The following EXOC6B variants were observed in gnomAD, a reference collection of about 807,000 sequenced individuals.
The protein encoded by EXOC6B is SEC15 homolog B.
In EXOC6B, 54 loss-of-function variants were observed where a neutral mutation model predicts 113.5. The observed-to-expected ratio is 0.48, with a 90% CI of 0.38 to 0.60. The LOEUF (loss-of-function observed/expected upper bound fraction) is 0.60, where lower values mean the gene tolerates loss of function less well. EXOC6B is among the 20% of genes least tolerant of loss of function. The pLI is 0.00. For synonymous variants in EXOC6B, 357 were observed against 339.0 expected, an observed-to-expected ratio of 1.05 and a Z score of -0.58; for missense variants, 797 against 977.5, an observed-to-expected ratio of 0.82 and a Z score of 2.46.
At chr2:72,344,544 G>A (rs1463696862) in intron 19 of EXOC6B, among the ~76,000 whole-genome samples, 1 of 151,788 alleles carries the variant, frequency 6.6e-6, no homozygotes, top group Non-Finnish European at 1.5e-5. Context: ...ATCTAATAAT[G>A]TGGCAACTTT....
chr2:72,699,434 C>T (rs187088316), intron 6 of EXOC6B, among the ~76,000 whole-genome samples: 1,903 of 150,444 alleles, frequency 0.013, 20 homozygotes, highest in Non-Finnish European at 0.017. Flanking sequence ...GCCAAGATCG[C>T]GCCACTGCAT....
chr2:72,357,074 G>T (rs114482716), intron 19 of EXOC6B, among the ~76,000 whole-genome samples: 3 of 152,126 alleles, frequency 2.0e-5, no homozygotes, highest in African/African-American at 7.2e-5. Context: ...TGTGTGAATT[G>T]TTGACTTCTG....
At chr2:72,820,422 A>G (rs1447045986) in intron 1 of EXOC6B, among the ~76,000 whole-genome samples, 1 of 152,188 alleles carries the variant, frequency 6.6e-6, no homozygotes, top group Admixed American at 6.5e-5. Flanking sequence ...TATGTTACAT[A>G]AGACTGAGTA....
At chr2:72,517,768 C>T (rs1394870294) in intron 8 of EXOC6B, among the ~76,000 whole-genome samples, 4 of 152,026 alleles carry the variant, frequency 2.6e-5, no homozygotes, top group African/African-American at 9.7e-5. Context: ...AGAAAGCATT[C>T]CTCTAATTAT....
chr2:72,538,716 C>T (rs917945791), intron 8 of EXOC6B, among the ~76,000 whole-genome samples: 5 of 152,044 alleles, frequency 3.3e-5, no homozygotes, highest in South Asian at 2.1e-4. Flanking sequence ...ACTAGAAGTA[C>T]GCAATAAATA....
At chr2:72,823,682 G>C (rs1389267086) in intron 1 of EXOC6B, among the ~76,000 whole-genome samples, 1 of 151,862 alleles carries the variant, frequency 6.6e-6, no homozygotes, top group Non-Finnish European at 1.5e-5. Context: ...CTACTCAGGA[G>C]GCTGAGGTGG....
chr2:72,637,650 C>T (rs1328079027), intron 6 of EXOC6B, among the ~76,000 whole-genome samples: 2 of 152,008 alleles, frequency 1.3e-5, no homozygotes, highest in Non-Finnish European at 2.9e-5. Context: ...ATTAGCCAGG[C>T]ATGGTGGCAC....
chr2:72,313,246 AG>A (rs1225955995), intron 20 of EXOC6B, among the ~76,000 whole-genome samples: 3 of 152,196 alleles, frequency 2.0e-5, no homozygotes, highest in African/African-American at 7.2e-5. Context: ...AGAAAGGATC[AG>A]GAAAAATAAC....
At chr2:72,523,083 C>A (rs1701577010) in intron 8 of EXOC6B, among the ~76,000 whole-genome samples, 1 of 152,302 alleles carries the variant, frequency 6.6e-6, no homozygotes, top group South Asian at 2.1e-4. Context: ...ACACAGGCCA[C>A]TCAATATGGG....
intron 6 of EXOC6B, among the ~76,000 whole-genome samples, chr2:72,682,818 C>G (rs1676807643): frequency 6.6e-6 from 1 of 152,154 alleles, no homozygotes; most frequent in Non-Finnish European, 1.5e-5. Context: ...ATCTTATATA[C>G]TAGACCTCCA....
chr2:72,660,761 GGTA>G (rs1303536923), intron 6 of EXOC6B, among the ~76,000 whole-genome samples: 2 of 151,792 alleles, frequency 1.3e-5, no homozygotes, highest in African/African-American at 4.8e-5. Context: ...AATCATAGTA[GGTA>G]GATTGAGGAA....
chr2:72,512,391 G>C (rs867641819), intron 11 of EXOC6B, among the ~76,000 whole-genome samples: 1 of 106,188 alleles, frequency 9.4e-6, no homozygotes, highest in Non-Finnish European at 1.9e-5. Context: ...AAGGAAGGAA[G>C]GAAGGAAGGA....
intron 18 of EXOC6B, among the ~76,000 whole-genome samples, chr2:72,448,711 T>A (rs1307166349): frequency 6.6e-6 from 1 of 152,098 alleles, no homozygotes; most frequent in Non-Finnish European, 1.5e-5. Flanking sequence ...GTTTGGAGCA[T>A]CTGGTTAAAT....
At chr2:72,782,676 T>C (rs1043065876) in intron 1 of EXOC6B, among the ~76,000 whole-genome samples, 42 of 151,986 alleles carry the variant, frequency 2.8e-4, no homozygotes, top group African/African-American at 9.9e-4. Flanking sequence ...TTTTATTCCC[T>C]CCCACACACC....
rs201912352 is a variant in EXOC6B, at chr2:72,617,517, CTTTTTTTTTTTTTTTTTT to C, written c.670-41867_670-41850del. ...GGTCCCCAAAGCTCAAATCTTTTTT[CTTTTTTTTTTTTTTTTTT>C]TTTTGAGGCAGGAGTCTTGCTCTGT... On this transcript the variant is annotated intron_variant, in intron 6 of 21. Transcript: ENST00000272427. Among the ~76,000 whole-genome samples the C allele has an allele frequency of 6.9e-3, 667 of 96,972 alleles. 26 individuals are homozygous for C. In the East Asian group the frequency reaches 0.15, roughly 21 times the overall value. The allele number at this position is 96,972 out of a possible 152,430, so 63.6% of individuals were successfully genotyped here.
At chr2:72,457,116 A>C (rs560408993) in intron 18 of EXOC6B, among the ~76,000 whole-genome samples, 6 of 152,160 alleles carry the variant, frequency 3.9e-5, no homozygotes, top group Non-Finnish European at 8.8e-5. Flanking sequence ...ACAGAGACAG[A>C]GACAGAAAAA....
intron 20 of EXOC6B, among the ~76,000 whole-genome samples, chr2:72,263,686 G>A (rs1323660300): frequency 6.6e-6 from 1 of 152,198 alleles, no homozygotes; most frequent in African/African-American, 2.4e-5. Context: ...ATTGTTTACT[G>A]CATGGTAAAT....
At chr2:72,275,829 T>C (rs2104647949) in intron 20 of EXOC6B, among the ~76,000 whole-genome samples, 2 of 152,330 alleles carry the variant, frequency 1.3e-5, no homozygotes, top group South Asian at 4.1e-4. Flanking sequence ...CATGCTTGTT[T>C]CAACTCCAAA....
intron 6 of EXOC6B, among the ~76,000 whole-genome samples, chr2:72,599,203 C>CT (rs1402482277): frequency 1.3e-5 from 2 of 152,020 alleles, no homozygotes; most frequent in Admixed American, 1.3e-4. Flanking sequence ...AAGAATTAAA[C>CT]ATCACAACAA....
Sources: allele counts gnomAD v4.1 joint callset (sites outside exome capture counted in the v4.1 genomes callset), GRCh38; gene constraint gnomAD v4.1.1; transcripts MANE v1.5; gene names NCBI Gene and HGNC (gene_info 2026-07-23, HGNC 2026-07-21).